RCSD1: variants seen among roughly 807,000 people sequenced by gnomAD.
RCSD1 encodes the protein RCSD domain containing 1, also known as capZ-interacting protein.
In RCSD1, 26 loss-of-function variants were observed where a neutral mutation model predicts 42.5. The observed-to-expected ratio is 0.61, with a 90% confidence interval of 0.45 to 0.85. The LOEUF is 0.85. Among genes scored for constraint, RCSD1 ranks in the 40% least tolerant of loss-of-function variants. The pLI is 0.00. For missense variants in RCSD1, 571 were observed against 528.3 expected (o/e 1.08, Z -0.79); for synonymous variants, 220 against 212.2 (o/e 1.04, Z -0.32).
intron 3 of RCSD1, among the ~76,000 whole-genome samples, chr1:167,685,781 G>C (rs1174737900): frequency 2.0e-5 from 3 of 152,148 alleles, no homozygotes; most frequent in African/African-American, 7.2e-5. Flanking sequence ...TTTTAGCAAA[G>C]AGAATGGGTC....
chr1:167,681,327 C>T (rs1374622137), intron 1 of RCSD1, among the ~76,000 whole-genome samples: 1 of 152,160 alleles, frequency 6.6e-6, no homozygotes, highest in East Asian at 1.9e-4. Flanking sequence ...GCCTGGAGGG[C>T]AGACGGTAAT....
chr1:167,672,202 A>C (rs911858973), intron 1 of RCSD1, among the ~76,000 whole-genome samples: 5 of 152,174 alleles, frequency 3.3e-5, no homozygotes, highest in African/African-American at 1.2e-4. Flanking sequence ...TTTACTGCCT[A>C]GCTCTCTCCA....
At position 167,690,208 on chromosome 1, in the gene RCSD1, T is replaced by C. The variant is rs145385388; in HGVS notation, c.270+88T>C. 4 of 1,212,016 alleles carry C rather than the reference T, an allele frequency of 3.3e-6. No individual in the cohort carries two copies. The African/African-American group carries it at 6.0e-5, about 18-fold the overall frequency. The allele number at this position is 1,212,016 out of a possible 1,614,324, so 75.1% of individuals were successfully genotyped here. ...TGCATGACTTTGAGGCTCATAGGGG[T>C]AGCCTATGTGTCACCTGCATAATTG... On this transcript the variant is annotated intron_variant, in intron 4 of 6. Coordinates refer to ENST00000367854, the MANE Select transcript of RCSD1 (RefSeq NM_052862.4).
intron 1 of RCSD1, among the ~76,000 whole-genome samples, chr1:167,676,900 C>T (rs1658964708): frequency 6.6e-6 from 1 of 152,202 alleles, no homozygotes; most frequent in Non-Finnish European, 1.5e-5. Context: ...AAATGGGAAG[C>T]CCTGGAGGTT....
intron 1 of RCSD1, among the ~76,000 whole-genome samples, chr1:167,662,802 C>T (rs1658568547): frequency 6.6e-6 from 1 of 152,202 alleles, no homozygotes; most frequent in Non-Finnish European, 1.5e-5. Flanking sequence ...GTAGCAAGCG[C>T]TGGGTTTGCT....
intron 1 of RCSD1, among the ~76,000 whole-genome samples, chr1:167,635,836 T>C (rs1657834788): frequency 6.6e-6 from 1 of 152,230 alleles, no homozygotes; most frequent in Admixed American, 6.5e-5. Context: ...TTAGGCACTA[T>C]TGGACTTTTG....
chr1:167,685,636 C>T, intron 3 of RCSD1, 126 bp downstream of exon 3: 1 of 695,654 alleles, frequency 1.4e-6, no homozygotes, highest in Non-Finnish European at 2.4e-6. Flanking sequence ...GGGAATTTCT[C>T]CATTTCAGAG....
intron 1 of RCSD1, among the ~76,000 whole-genome samples, chr1:167,650,232 A>G (rs1346432428): frequency 6.6e-6 from 1 of 152,216 alleles, no homozygotes; most frequent in Non-Finnish European, 1.5e-5. Context: ...GTGTTTTGGA[A>G]AACACGGGGA....
At chr1:167,700,036 C>T (rs1282660251) in intron 6 of RCSD1, among the ~76,000 whole-genome samples, 1 of 152,228 alleles carries the variant, frequency 6.6e-6, no homozygotes, top group Non-Finnish European at 1.5e-5. Context: ...TATTTCTCTA[C>T]TCCTTTTCCT....
intron 1 of RCSD1, among the ~76,000 whole-genome samples, chr1:167,683,222 C>G (rs1659128261): frequency 6.6e-6 from 1 of 152,210 alleles, no homozygotes; most frequent in African/African-American, 2.4e-5. Context: ...CAGGCCTTGT[C>G]CCAGCCCTCT....
chr1:167,690,050 A>T lies in RCSD1; in HGVS notation c.200A>T (p.Lys67Ile), dbSNP rs760406855. 31 of 1,612,302 alleles carry T rather than the reference A, an allele frequency of 1.9e-5. No homozygotes were observed. The highest frequency in any genetic ancestry group is 2.6e-5 in the Non-Finnish European group (31 of 1,178,374). ...TGTTTTGGTTGATTTGCTCCATAGAAATCACCACCCAATGCGAGCCACCCT... is the reference window on the plus strand; with the variant it reads ...TGTTTTGGTTGATTTGCTCCATAGATATCACCACCCAATGCGAGCCACCCT... ...KVDLGQNGEEKSPPNASHPPK... is the reference protein window; with the variant it reads ...KVDLGQNGEEISPPNASHPPK... The change falls in exon 4 of 7, where the codon AAA (lysine) becomes ATA (isoleucine). Residue 67 changes from lysine (K) to isoleucine (I), a missense_variant and splice_region_variant. Lys to Ile is a moderately radical substitution (Grantham distance 102). Coordinates refer to ENST00000367854, the MANE Select transcript of RCSD1 (RefSeq NM_052862.4).
intron 3 of RCSD1, 50 bp from the exon 4 acceptor site, chr1:167,689,999 C>T (rs375410767): frequency 8.7e-5 from 138 of 1,585,036 alleles, no homozygotes; most frequent in Non-Finnish European, 1.2e-4. Context: ...ACCAGAACCC[C>T]ACTTTCCTCA....
chr1:167,651,136 T>G lies in RCSD1; in HGVS notation c.6+20707T>G, dbSNP rs116345699. On this transcript the variant is annotated intron_variant, in intron 1 of 6. Coordinates refer to ENST00000367854, the MANE Select transcript of RCSD1 (RefSeq NM_052862.4). ...GTAATGACCTTGTTTTAACTTAATT[T>G]CCTCTGTGAAGACCCTACCTCCAAA... 9.1e-3 allele frequency among the ~76,000 whole-genome samples: 1,392 copies of G among 152,222 alleles called. 19 individuals carry two copies. Among genetic ancestry groups the G allele is most frequent in the African/African-American group, 0.032 (1,332 of 41,520 alleles).
chr1:167,637,568 T>C (rs1441262244), intron 1 of RCSD1, among the ~76,000 whole-genome samples: 1 of 152,180 alleles, frequency 6.6e-6, no homozygotes, highest in Non-Finnish European at 1.5e-5. Flanking sequence ...CTCAATCTAA[T>C]GGCAGCACAT....
At chr1:167,693,220 C>A (rs776411973) in intron 4 of RCSD1, among the ~76,000 whole-genome samples, 1 of 152,130 alleles carries the variant, frequency 6.6e-6, no homozygotes, top group Non-Finnish European at 1.5e-5. Flanking sequence ...GTCTGCAGGA[C>A]GCAGCTCTGT....
chr1:167,696,993 G>A (rs1354154256), intron 5 of RCSD1, 106 bp from the exon 6 acceptor site: 15 of 1,012,622 alleles, frequency 1.5e-5, no homozygotes, highest in Non-Finnish European at 2.2e-5. Flanking sequence ...GTCCTTGCGT[G>A]GACTTGTGAA....
chr1:167,689,083 T>A (rs1189371872), intron 3 of RCSD1, among the ~76,000 whole-genome samples: 1 of 152,142 alleles, frequency 6.6e-6, no homozygotes, highest in Non-Finnish European at 1.5e-5. Flanking sequence ...ATGTAACACA[T>A]GCATCAGCCA....
At chr1:167,685,547 T>C in intron 3 of RCSD1, 37 bp downstream of exon 3, 1 of 1,563,390 alleles carries the variant, frequency 6.4e-7, no homozygotes, top group South Asian at 1.1e-5. Context: ...GATGCTGTGA[T>C]GGGTTTTCTT....
intron 4 of RCSD1, among the ~76,000 whole-genome samples, chr1:167,693,668 A>G (rs1425796999): frequency 6.6e-6 from 1 of 152,224 alleles, no homozygotes; most frequent in Non-Finnish European, 1.5e-5. Flanking sequence ...TGTGGAGGAC[A>G]CAGCTACATG....
Sources: allele counts gnomAD v4.1 joint callset (sites outside exome capture counted in the v4.1 genomes callset), GRCh38; gene constraint gnomAD v4.1.1; transcripts MANE v1.5; gene names NCBI Gene and HGNC (gene_info 2026-07-23, HGNC 2026-07-21).